Variants in FAM184B observed in about 807,000 individuals in gnomAD.
The protein encoded by FAM184B is family with sequence similarity 184 member B.
A neutral mutation model predicts 135.9 loss-of-function variants in FAM184B; 111 were observed. The ratio of observed to expected loss-of-function variants is 0.82; its 90% CI spans 0.70 to 0.96. FAM184B has a LOEUF of 0.96. Ranked by LOEUF, FAM184B falls within the 40% of genes least tolerant of loss-of-function variation. The probability of loss-of-function intolerance (pLI) is 0.00; values close to 1 mark genes in which losing one functional copy is unlikely to be tolerated. For missense variants in FAM184B, 1,375 were observed against 1,323.9 expected, an observed-to-expected ratio of 1.04 and a Z score of -0.60; for synonymous variants, 552 against 524.8, an observed-to-expected ratio of 1.05 and a Z score of -0.71.
chr4:17,684,541 T>C (rs1030539250), intron 7 of FAM184B, among the ~76,000 whole-genome samples: 2 of 152,232 alleles, frequency 1.3e-5, no homozygotes, highest in Non-Finnish European at 2.9e-5. Context: ...TGTTACTAAA[T>C]GTCCACATTG....
At chr4:17,686,932 C>CAG (rs1560176358) in intron 7 of FAM184B, among the ~76,000 whole-genome samples, 5 of 152,188 alleles carry the variant, frequency 3.3e-5, no homozygotes, top group Non-Finnish European at 5.9e-5. Context: ...CAGAGAAAGA[C>CAG]CCTGTCTCAA....
intron 1 of FAM184B, among the ~76,000 whole-genome samples, chr4:17,720,165 C>T (rs1033674706): frequency 3.9e-5 from 6 of 152,120 alleles, no homozygotes; most frequent in African/African-American, 1.2e-4. Context: ...CTAATGACTC[C>T]CAAATTTATA....
intron 5 of FAM184B, 58 bp downstream of exon 5, chr4:17,704,942 A>G: frequency 6.9e-7 from 1 of 1,441,678 alleles, no homozygotes; most frequent in East Asian, 2.5e-5. Context: ...AAAAGGAAAG[A>G]AAGGAGGTGG....
At chr4:17,671,565 T>C (rs1269760062) in intron 7 of FAM184B, among the ~76,000 whole-genome samples, 1 of 151,700 alleles carries the variant, frequency 6.6e-6, no homozygotes, top group Admixed American at 6.6e-5. Flanking sequence ...CTGGGAGAGG[T>C]GATTGCTTTG....
intron 6 of FAM184B, among the ~76,000 whole-genome samples, chr4:17,691,118 A>G (rs1716721813): frequency 6.6e-6 from 1 of 152,150 alleles, no homozygotes; most frequent in South Asian, 2.1e-4. Flanking sequence ...GCAACATACC[A>G]TACTAGAGGC....
chr4:17,705,320 T>C, intron 4 of FAM184B, 114 bp from the exon 5 acceptor site: 1 of 774,372 alleles, frequency 1.3e-6, no homozygotes, highest in South Asian at 1.8e-5. Context: ...TTACAGCATG[T>C]AGCACAAGGT....
At chr4:17,738,742 GC>G (rs1370761223) in intron 1 of FAM184B, among the ~76,000 whole-genome samples, 4 of 152,262 alleles carry the variant, frequency 2.6e-5, no homozygotes, top group South Asian at 4.2e-4. Context: ...TGGAGGTGGG[GC>G]CTAATGGGGG....
rs1024836106 is a variant in FAM184B, at chr4:17,642,058, G to T, written c.2517C>A (p.Arg839=). The T allele has an allele frequency of 5.9e-6, 9 of 1,529,628 alleles. No individual in the cohort carries two copies. Among genetic ancestry groups the T allele is most frequent in the South Asian group, 2.4e-5 (2 of 83,722 alleles). 94.8% of individuals were successfully genotyped at this position (1,529,628 alleles called of 1,614,324 possible). A position where few individuals can be genotyped will look rare whatever the true frequency, so the allele number is the denominator to read the frequency against. The change falls in exon 13 of 18, where the codon CGC becomes CGA. Residue 839 remains arginine (R), a splice_region_variant and synonymous_variant. Transcript: ENST00000265018. The part of the protein sequence containing the change: ...QQEAQKLRDQ[R]RFLEETQQAQ... ...GCGGGGCGCGCCGGGTCACCCACCT[G>T]CGCTGGTCTCGGAGCTTCTGCGCCT...
intron 2 of FAM184B, among the ~76,000 whole-genome samples, chr4:17,708,600 G>A (rs996944102): frequency 2.1e-5 from 3 of 142,424 alleles, no homozygotes; most frequent in East Asian, 2.2e-4. Flanking sequence ...AGCTGAGATC[G>A]CACCACTGCA....
intron 5 of FAM184B, among the ~76,000 whole-genome samples, chr4:17,702,890 A>T (rs970311181): frequency 1.3e-5 from 2 of 152,054 alleles, no homozygotes; most frequent in Non-Finnish European, 2.9e-5. Context: ...TCTGAGGATT[A>T]GATTTGTGCA....
intron 14 of FAM184B, among the ~76,000 whole-genome samples, chr4:17,637,060 T>G (rs1332606143): frequency 6.6e-6 from 1 of 152,156 alleles, no homozygotes; most frequent in African/African-American, 2.4e-5. Context: ...GGAGTCTCCC[T>G]CTGTCGCCCA....
At chr4:17,750,285 G>T (rs796934858) in intron 1 of FAM184B, among the ~76,000 whole-genome samples, 9 of 152,144 alleles carry the variant, frequency 5.9e-5, no homozygotes, top group African/African-American at 2.2e-4. Flanking sequence ...CTTTACTGTT[G>T]GCAAAAATCA....
chr4:17,750,682 G>A (rs930441982), intron 1 of FAM184B, among the ~76,000 whole-genome samples: 5 of 152,120 alleles, frequency 3.3e-5, no homozygotes, highest in Middle Eastern at 3.2e-3. Context: ...AAGAATTACC[G>A]TTCTAATGAA....
intron 5 of FAM184B, among the ~76,000 whole-genome samples, chr4:17,703,990 G>A (rs1308616612): frequency 6.6e-6 from 1 of 151,844 alleles, no homozygotes; most frequent in African/African-American, 2.4e-5. Context: ...TATATGACCT[G>A]TCTACAGTCA....
At position 17,781,019 on chromosome 4, in the gene FAM184B, C is replaced by T; in HGVS notation, c.141+140G>A. The stretch of plus-strand genomic sequence containing the variant: ...AAGGTCAAGTCACCCAGATTTAGGA[C>T]CGCTTCCCTTCCCGGTTGGCCTCCG... On this transcript the variant is annotated intron_variant, in intron 1 of 17. Transcript: ENST00000265018. This position sits in a 1 kb window ranked among gnomAD's most constrained non-coding sequence, Gnocchi z 6.5. 1 of 1,084,750 alleles carries T rather than the reference C, an allele frequency of 9.2e-7. No individual in the cohort carries two copies. The highest frequency in any genetic ancestry group is 1.3e-6 in the Non-Finnish European group (1 of 783,522). 67.2% of individuals were successfully genotyped at this position (1,084,750 alleles called of 1,614,324 possible). A position where few individuals can be genotyped will look rare whatever the true frequency, so the allele number is the denominator to read the frequency against.
At chr4:17,768,995 G>T (rs2108996636) in intron 1 of FAM184B, among the ~76,000 whole-genome samples, 2 of 152,018 alleles carry the variant, frequency 1.3e-5, no homozygotes, top group African/African-American at 4.8e-5. Context: ...TAGAGACGGG[G>T]TTTCTCCATG....
At position 17,632,636 on chromosome 4, in the gene FAM184B, A is replaced by AAT. The variant is rs1560161813; in HGVS notation, c.3090-12_3090-11insAT. 6 of 1,535,914 alleles carry AAT rather than the reference A, an allele frequency of 3.9e-6. No individual in the cohort carries two copies. Among genetic ancestry groups the AAT allele is most frequent in the Non-Finnish European group, 5.3e-6 (6 of 1,135,638 alleles). On this transcript the variant is annotated splice_polypyrimidine_tract_variant and intron_variant, in intron 17 of 17. Coordinates refer to ENST00000265018, the MANE Select transcript of FAM184B (RefSeq NM_015688.2). ...TCACCATCTGGGGTCCTAAAAGCAA[A>AAT]AAAAGGTTTTTTTATATGGTTTTGA... is the stretch of plus-strand genomic sequence containing the variant.
At position 17,661,605 on chromosome 4, in the gene FAM184B, C is replaced by A. The variant is rs138999789; in HGVS notation, c.1695-1518G>T. 1.4e-3 allele frequency among the ~76,000 whole-genome samples: 214 copies of A among 152,292 alleles called. 1 individual carries two copies. The highest frequency in any genetic ancestry group is 4.9e-3 in the African/African-American group (204 of 41,586). ...ATATTAAAAGAGAGAAGTTTTCTTT[C>A]TCTGCATCATTTTGATTATCTTAGT... On this transcript the variant is annotated intron_variant, in intron 8 of 17. Coordinates refer to ENST00000265018, the MANE Select transcript of FAM184B (RefSeq NM_015688.2).
chr4:17,681,892 C>T (rs571773824), intron 7 of FAM184B, among the ~76,000 whole-genome samples: 1 of 152,336 alleles, frequency 6.6e-6, no homozygotes, highest in South Asian at 2.1e-4. Context: ...AGCTTCCTCT[C>T]CCATATGGGC....
Sources: gnomAD v4.1 joint callset for allele counts (sites outside exome capture counted in the v4.1 genomes callset) on GRCh38, gnomAD v4.1.1 for gene constraint, Gnocchi (gnomAD v3.1) non-coding constraint, MANE v1.5 for transcripts, NCBI Gene and HGNC (gene_info 2026-07-23, HGNC 2026-07-21) for gene names.